ACVR1B: variants seen among roughly 807,000 people sequenced by gnomAD.
The protein encoded by ACVR1B is activin receptor type-1B.
ACVR1B carries 15 observed loss-of-function variants against 55.6 expected under a neutral mutation model. That is an observed-to-expected ratio of 0.27 (90% confidence interval 0.18 to 0.42). ACVR1B has a LOEUF of 0.42. ACVR1B is among the 10% of genes least tolerant of loss of function. The probability of loss-of-function intolerance (pLI) is 1.00; values close to 1 mark genes in which losing one functional copy is unlikely to be tolerated. For missense variants in ACVR1B, 359 were observed against 670.1 expected (o/e 0.54, Z 5.13); for synonymous variants, 247 against 254.6 (o/e 0.97, Z 0.28).
chr12:51,993,893 C>T (rs964064994), intron 8 of ACVR1B, 92 bp from the exon 9 acceptor site: 33 of 1,476,986 alleles, frequency 2.2e-5, no homozygotes, highest in Middle Eastern at 3.6e-4. Flanking sequence ...CTGCACTGAG[C>T]GGGAGGTGGC....
chr12:51,952,788 C>G (rs988837772), intron 1 of ACVR1B, among the ~76,000 whole-genome samples: 1 of 151,974 alleles, frequency 6.6e-6, no homozygotes, highest in Non-Finnish European at 1.5e-5. Flanking sequence ...ACTTATTTAC[C>G]TTCCTACACG....
In ACVR1B at chr12:51,983,983, C is replaced by T; in HGVS notation, c.812-16C>T. 1 of 1,614,092 alleles carries T rather than the reference C, an allele frequency of 6.2e-7. No homozygotes were observed. Among genetic ancestry groups the T allele is most frequent in the Non-Finnish European group, 8.5e-7 (1 of 1,179,960 alleles). ...TAGTTACACTTTTTCTGGGACTCAT[C>T]TGTGGTTCTCTGCAGATAATGGCAC... On this transcript the variant is annotated splice_polypyrimidine_tract_variant and intron_variant, in intron 4 of 8. Coordinates refer to ENST00000257963, the MANE Select transcript of ACVR1B (RefSeq NM_004302.5).
intron 1 of ACVR1B, among the ~76,000 whole-genome samples, chr12:51,968,671 C>G (rs1291691177): frequency 6.6e-6 from 1 of 152,194 alleles, no homozygotes; most frequent in Non-Finnish European, 1.5e-5. Context: ...GATACAGTTT[C>G]TGCCAGGTTC....
chr12:51,984,945 C>G (rs1156980331), intron 5 of ACVR1B, among the ~76,000 whole-genome samples: 2 of 152,192 alleles, frequency 1.3e-5, no homozygotes, highest in African/African-American at 4.8e-5. Context: ...ATACACATGT[C>G]CTTCTATGGT....
intron 1 of ACVR1B, among the ~76,000 whole-genome samples, chr12:51,962,296 A>G (rs879454855): frequency 6.6e-6 from 1 of 152,044 alleles, no homozygotes; most frequent in Admixed American, 6.5e-5. Flanking sequence ...CCCCCACCAT[A>G]CAAATAGCTT....
chr12:51,967,226 C>T (rs1175569232), intron 1 of ACVR1B, among the ~76,000 whole-genome samples: 6 of 144,930 alleles, frequency 4.1e-5, no homozygotes, highest in African/African-American at 7.8e-5. Flanking sequence ...GGCGACAGCG[C>T]GAGACTCCGT....
At chr12:51,971,270 A>G (rs1478509863) in intron 1 of ACVR1B, among the ~76,000 whole-genome samples, 5 of 152,192 alleles carry the variant, frequency 3.3e-5, no homozygotes, top group South Asian at 2.1e-4. Context: ...CCACCTTCCA[A>G]TCATACTTTG....
intron 3 of ACVR1B, among the ~76,000 whole-genome samples, chr12:51,980,204 AG>A (rs1328171457): frequency 6.6e-6 from 1 of 152,168 alleles, no homozygotes; most frequent in Non-Finnish European, 1.5e-5. Flanking sequence ...CTTAGCATGG[AG>A]CCTAATACAT....
At position 51,980,587 on chromosome 12, in the gene ACVR1B, T is replaced by G. The variant is rs180981004; in HGVS notation, c.581-382T>G. On this transcript the variant is annotated intron_variant, in intron 3 of 8. Transcript: ENST00000257963. ...GCCCACACTTTCATGTTCTCTGCCC[T>G]CTTTCCTTCCTCCACCAAAATAAAG... 6.4e-4 allele frequency among the ~76,000 whole-genome samples: 97 copies of G among 152,328 alleles called. 1 individual carries two copies. In the East Asian group the frequency reaches 0.013, roughly 20 times the overall value.
rs576155472 is a variant in ACVR1B, at chr12:51,975,277, C to T, written c.104C>T (p.Ala35Val). 16 of 1,612,532 alleles carry T rather than the reference C, an allele frequency of 9.9e-6. No homozygotes were observed. The highest frequency in any genetic ancestry group is 6.6e-5 in the South Asian group (6 of 91,082). Reference sequence around the variant, plus strand: ...CAATTTCCTGCAGCTCTGCTGTGTGCGTGCACCAGCTGCCTCCAGGCCAAC... The same window carrying T: ...CAATTTCCTGCAGCTCTGCTGTGTGTGTGCACCAGCTGCCTCCAGGCCAAC... The part of the protein sequence containing the change: ...GPRGVQALLC[A>V]CTSCLQANYT... Residue 35 changes from alanine (A) to valine (V), a missense_variant, in exon 2 of 9, where the codon GCG becomes GTG. Physicochemically the swap from Ala to Val is moderately conservative, Grantham distance 64. This residue lies in a region of ACVR1B where 6 missense variants were observed against 22.7 expected (regional missense o/e 0.26). Transcript: ENST00000257963.
Position 51,951,767 on chromosome 12 carries a change from C to T in ACVR1B, c.24C>T (p.Ser8=). The T allele has an allele frequency of 7.7e-7, 1 of 1,291,866 alleles. No homozygotes were observed. The highest frequency in any genetic ancestry group is 2.9e-5 in the East Asian group (1 of 34,786). 80.0% of individuals were successfully genotyped at this position (1,291,866 alleles called of 1,614,324 possible). A position where few individuals can be genotyped will look rare whatever the true frequency, so the allele number is the denominator to read the frequency against. The part of the protein sequence containing the change: MAESAGA[S]SFFPLVVLLL... ...CTATGGCGGAGTCGGCCGGAGCCTC[C>T]TCCTTCTTCCCCCTTGTTGTCCTCC... Residue 8 remains serine (S), a synonymous_variant, in exon 1 of 9, where the codon TCC becomes TCT. Transcript: ENST00000257963.
At chr12:51,962,232 A>G (rs1335422555) in intron 1 of ACVR1B, among the ~76,000 whole-genome samples, 1 of 152,224 alleles carries the variant, frequency 6.6e-6, no homozygotes, top group Non-Finnish European at 1.5e-5. Flanking sequence ...CCAGATTGGA[A>G]TTAAATACCA....
At position 51,976,542 on chromosome 12, in the gene ACVR1B, G is replaced by A; in HGVS notation, c.547G>A (p.Val183Ile). The part of the protein sequence containing the change: ...LSKDKTLQDL[V>I]YDLSTSGSGS... ...CAAAGACAAGACGCTCCAGGATCTT[G>A]TCTACGATCTCTCCACCTCAGGGTC... Residue 183 changes from valine to isoleucine, a missense_variant, in exon 3 of 9, where the codon GTC becomes ATC. Physicochemically the swap from Val to Ile is conservative, Grantham distance 29. This residue lies in a region of ACVR1B where 133 missense variants were observed against 188.2 expected (regional missense o/e 0.71). Transcript: ENST00000257963. 6.2e-7 allele frequency: 1 copy of A among 1,613,828 alleles called. No individual in the cohort carries two copies. Among genetic ancestry groups the A allele is most frequent in the Non-Finnish European group, 8.5e-7 (1 of 1,180,034 alleles).
rs574791315 is a variant in ACVR1B, at chr12:51,951,944, A to G, written c.91+110A>G. 9 of 555,192 alleles carry G rather than the reference A, an allele frequency of 1.6e-5. No individual in the cohort carries two copies. The Admixed American group carries it at 3.6e-4, about 22-fold the overall frequency. The allele number at this position is 555,192 out of a possible 1,614,324, so 34.4% of individuals were successfully genotyped here. A position where few individuals can be genotyped will look rare whatever the true frequency, so the allele number is the denominator to read the frequency against. Reference sequence around the variant, plus strand: ...CGCGCCCCCTCCCCACGAGCACAATATGGCCGGGTGGGGGGCGCAGAGGAG... The same window carrying G: ...CGCGCCCCCTCCCCACGAGCACAATGTGGCCGGGTGGGGGGCGCAGAGGAG... On this transcript the variant is annotated intron_variant, in intron 1 of 8. Coordinates refer to ENST00000257963, the MANE Select transcript of ACVR1B (RefSeq NM_004302.5).
chr12:51,985,452 C>T (rs1461405116), intron 6 of ACVR1B, 104 bp downstream of exon 6: 5 of 1,372,916 alleles, frequency 3.6e-6, no homozygotes, highest in African/African-American at 1.5e-5. Context: ...AAAAAGGAGG[C>T]GAGGACCTTG....
intron 7 of ACVR1B, 123 bp downstream of exon 7, chr12:51,987,065 TCG>T: frequency 7.4e-7 from 1 of 1,355,820 alleles, no homozygotes; most frequent in African/African-American, 1.4e-5. Flanking sequence ...GCCTGAATCA[TCG>T]TTTAAGGTTG....
At chr12:51,992,607 T>G (rs1477651943) in intron 8 of ACVR1B, among the ~76,000 whole-genome samples, 1 of 152,176 alleles carries the variant, frequency 6.6e-6, no homozygotes, top group Non-Finnish European at 1.5e-5. Flanking sequence ...GGAAAGCAGC[T>G]CTGGAGCCCG....
chr12:51,985,152 A>G (rs1452209450), intron 5 of ACVR1B, 40 bp from the exon 6 acceptor site: 3 of 1,574,810 alleles, frequency 1.9e-6, no homozygotes, highest in East Asian at 2.2e-5. Context: ...TAACATTTAT[A>G]TCATCTCTTT....
Position 51,984,096 on chromosome 12 carries a change from G to T in ACVR1B, c.909G>T (p.Gly303=), listed in dbSNP as rs745960486. The T allele has an allele frequency of 1.2e-6, 2 of 1,614,208 alleles. No individual in the cohort carries two copies. The highest frequency in any genetic ancestry group is 2.2e-5 in the South Asian group (2 of 91,076). Residue 303 remains glycine, a synonymous_variant, in exon 5 of 9, where the codon GGG becomes GGT. Transcript: ENST00000257963. ...ACCGGTACACAGTGACAATTGAGGG[G>T]ATGATTAAGCTGGCCTTGTCTGCTG... is the stretch of plus-strand genomic sequence containing the variant. ...YLNRYTVTIE[G]MIKLALSAAS...
Sources: allele counts gnomAD v4.1 joint callset (sites outside exome capture counted in the v4.1 genomes callset), GRCh38; gene constraint gnomAD v4.1.1; regional missense constraint gnomAD v4.1.1; transcripts MANE v1.5; gene names NCBI Gene and HGNC (gene_info 2026-07-23, HGNC 2026-07-21).